GNG4: variants seen among roughly 807,000 people sequenced by gnomAD.
GNG4 encodes G protein subunit gamma 4.
In GNG4, 4 loss-of-function variants were observed where a neutral mutation model predicts 5.8. That is an observed-to-expected ratio of 0.69 (90% CI 0.34 to 1.57). GNG4 has a LOEUF of 1.57. Ranked by LOEUF, GNG4 falls within the 40% of genes most tolerant of loss-of-function variation. GNG4 has a pLI of 0.06. For synonymous variants in GNG4, 29 were observed against 32.9 expected (o/e 0.88, Z 0.41); for missense variants, 96 against 95.1 (o/e 1.01, Z -0.04).
intron 1 of GNG4, among the ~76,000 whole-genome samples, chr1:235,614,176 T>C (rs1346640730): frequency 1.3e-5 from 2 of 152,234 alleles, no homozygotes; most frequent in Admixed American, 6.5e-5. Flanking sequence ...TTTATCCATT[T>C]CATTTCAGCT....
At chr1:235,589,219 A>G (rs942282452) in intron 2 of GNG4, among the ~76,000 whole-genome samples, 5 of 152,196 alleles carry the variant, frequency 3.3e-5, no homozygotes, top group Admixed American at 1.3e-4. Flanking sequence ...CCCTGCTGAC[A>G]CTGTACAGGC....
At chr1:235,643,928 T>C (rs1223621003) in intron 1 of GNG4, among the ~76,000 whole-genome samples, 1 of 152,134 alleles carries the variant, frequency 6.6e-6, no homozygotes, top group Non-Finnish European at 1.5e-5. Flanking sequence ...CATCCATCAG[T>C]GAGCACAGCC....
chr1:235,560,199 C>CAT (rs1687021387), intron 3 of GNG4, among the ~76,000 whole-genome samples: 3 of 152,286 alleles, frequency 2.0e-5, no homozygotes, highest in South Asian at 4.1e-4. Context: ...TGGATGCCAT[C>CAT]ATATATTGCC....
intron 3 of GNG4, among the ~76,000 whole-genome samples, 192 bp from the exon 4 acceptor site, chr1:235,552,429 C>T (rs1265998254): frequency 6.6e-6 from 1 of 152,060 alleles, no homozygotes; most frequent in Non-Finnish European, 1.5e-5. Flanking sequence ...AGCGGGCCTC[C>T]AAGAAGGGGA....
At chr1:235,611,717 G>C (rs6429197) in intron 1 of GNG4, among the ~76,000 whole-genome samples, 57,553 of 152,030 alleles carry the variant, frequency 0.38, 14,643 homozygotes, top group African/African-American at 0.72. Context: ...ACCAACCATT[G>C]TGGGTCTCAG....
In GNG4 at chr1:235,644,864, C is replaced by T. The variant is rs924640292; in HGVS notation, c.-123+4798G>A. On this transcript the variant is annotated intron_variant, in intron 1 of 3. Coordinates refer to ENST00000391854, the MANE Select transcript of GNG4 (RefSeq NM_001098722.2). This position sits in a 1 kb window ranked among gnomAD's most constrained non-coding sequence, Gnocchi z 5.9. ...TGGAGAGACATCCAGGAGGAGGATG[C>T]CAGTTGTTGGGTGTAGCTGGACCTT... 6.6e-6 allele frequency among the ~76,000 whole-genome samples: 1 copy of T among 152,082 alleles called. No homozygotes were observed. Among genetic ancestry groups the T allele is most frequent in the Non-Finnish European group, 1.5e-5 (1 of 68,014 alleles).
intron 2 of GNG4, among the ~76,000 whole-genome samples, chr1:235,592,037 G>T (rs1016463467): frequency 6.6e-6 from 1 of 152,192 alleles, no homozygotes; most frequent in Non-Finnish European, 1.5e-5. Context: ...AATAGCCAAG[G>T]AAGCTAGAAT....
intron 1 of GNG4, among the ~76,000 whole-genome samples, chr1:235,627,903 G>C (rs1168673405): frequency 1.3e-5 from 2 of 152,042 alleles, no homozygotes; most frequent in African/African-American, 4.8e-5. Context: ...ATATGGGGCC[G>C]GGCGTGGTGG....
chr1:235,563,403 CAAAAAAAAAAAA>C (rs57471662), intron 3 of GNG4, among the ~76,000 whole-genome samples: 17 of 52,412 alleles, frequency 3.2e-4, no homozygotes, highest in African/African-American at 5.9e-4. Flanking sequence ...GAAACTGTCT[CAAAAAAAAAAAA>C]AAAAAAAAAA....
intron 3 of GNG4, among the ~76,000 whole-genome samples, chr1:235,555,782 T>C (rs997403525): frequency 6.6e-6 from 1 of 152,276 alleles, no homozygotes; most frequent in African/African-American, 2.4e-5. Context: ...GTATACATTA[T>C]AGAATGGCTA....
intron 3 of GNG4, among the ~76,000 whole-genome samples, chr1:235,568,453 G>T (rs1013689802): frequency 6.6e-6 from 1 of 152,112 alleles, no homozygotes; most frequent in African/African-American, 2.4e-5. Context: ...ACATAATTAT[G>T]CACATCTGTA....
rs1396972359 is a variant in GNG4 at position 235,547,748 on chromosome 1, CAA to C, written c.*4359_*4360del. 2.6e-5 allele frequency: 4 copies of C among 152,072 alleles called. No homozygotes were observed. The highest frequency in any genetic ancestry group is 9.7e-5 in the African/African-American group (4 of 41,388). 9.4% of individuals were successfully genotyped at this position (152,072 alleles called of 1,614,324 possible). A position where few individuals can be genotyped will look rare whatever the true frequency, so the allele number is the denominator to read the frequency against. On this transcript the variant is annotated 3_prime_UTR_variant, in exon 4 of 4. Coordinates refer to ENST00000391854, the MANE Select transcript of GNG4 (RefSeq NM_001098722.2). The stretch of plus-strand genomic sequence containing the variant: ...CATACACACAGAAAAGTGCCCAGAT[CAA>C]AAGTGTACAGCTCCAAGAATGTTCA...
intron 3 of GNG4, among the ~76,000 whole-genome samples, chr1:235,583,131 C>T (rs1475306361): frequency 1.3e-5 from 2 of 152,164 alleles, no homozygotes; most frequent in African/African-American, 4.8e-5. Context: ...AGTCAACGAG[C>T]GTCATGCTCA....
chr1:235,592,456 C>G (rs1200755782), intron 2 of GNG4, among the ~76,000 whole-genome samples: 1 of 152,086 alleles, frequency 6.6e-6, no homozygotes, highest in East Asian at 1.9e-4. Context: ...TTGCAGTGAG[C>G]CAAGATCACA....
rs1041497851 is a variant in GNG4, at chr1:235,624,164, G to A, written c.-123+25498C>T. On this transcript the variant is annotated intron_variant, in intron 1 of 3. Transcript: ENST00000391854. ...ATCACCCAGGCTGGAGTGCAGTGGCGTGATCTTGGCTCACTGCAACCTCTG... is the reference window on the plus strand; with the variant it reads ...ATCACCCAGGCTGGAGTGCAGTGGCATGATCTTGGCTCACTGCAACCTCTG... Among the ~76,000 whole-genome samples, 9 of 150,998 alleles carry A rather than the reference G, an allele frequency of 6.0e-5. No homozygotes were observed. In the South Asian group the frequency reaches 1.0e-3, roughly 18 times the overall value.
intron 3 of GNG4, among the ~76,000 whole-genome samples, chr1:235,577,602 G>A (rs76364161): frequency 0.023 from 3,461 of 152,090 alleles, 139 homozygotes; most frequent in African/African-American, 0.078. Flanking sequence ...CACCACGCCC[G>A]GCTAAGTTTT....
At position 235,642,385 on chromosome 1, in the gene GNG4, A is replaced by G. The variant is rs1657358624; in HGVS notation, c.-123+7277T>C. 6.6e-6 allele frequency among the ~76,000 whole-genome samples: 1 copy of G among 152,146 alleles called. No homozygotes were observed. The highest frequency in any genetic ancestry group is 2.4e-5 in the African/African-American group (1 of 41,440). ...AACAGAAACTCCCTCTCGAATAGAG[A>G]CCCACGCACGGAAGGATGATACACT... On this transcript the variant is annotated intron_variant, in intron 1 of 3. Coordinates refer to ENST00000391854, the MANE Select transcript of GNG4 (RefSeq NM_001098722.2). The surrounding 1 kb of genome is among the most constrained non-coding windows in gnomAD (Gnocchi z 4.3).
chr1:235,622,348 CTA>C, intron 1 of GNG4, among the ~76,000 whole-genome samples: 1 of 152,148 alleles, frequency 6.6e-6, no homozygotes, highest in Non-Finnish European at 1.5e-5. Context: ...AAAGCTTTTG[CTA>C]TGTTACTTTG....
chr1:235,596,219 C>T (rs879740499), intron 1 of GNG4, among the ~76,000 whole-genome samples: 19,715 of 145,120 alleles, frequency 0.14, 1,841 homozygotes, highest in Non-Finnish European at 0.21. Flanking sequence ...TACACACACA[C>T]ACACACACAC....
Sources: allele counts gnomAD v4.1 joint callset (sites outside exome capture counted in the v4.1 genomes callset), GRCh38; gene constraint gnomAD v4.1.1; non-coding constraint Gnocchi (gnomAD v3.1); transcripts MANE v1.5; gene names NCBI Gene and HGNC (gene_info 2026-07-23, HGNC 2026-07-21).